The following FAM221B variants were observed in gnomAD, a reference collection of about 807,000 sequenced individuals.
FAM221B encodes family with sequence similarity 221 member B.
In FAM221B, 35 loss-of-function variants were observed where a neutral mutation model predicts 39.8. The ratio of observed to expected loss-of-function variants is 0.88; its 90% confidence interval spans 0.67 to 1.17. The LOEUF is 1.17. Ranked by LOEUF, FAM221B falls within the 50% of genes most tolerant of loss-of-function variation. FAM221B has a pLI of 0.00. For missense variants in FAM221B, 479 were observed against 503.1 expected (o/e 0.95, Z 0.46); for synonymous variants, 158 against 178.1 (o/e 0.89, Z 0.90).
At chr9:35,820,492 G>A (rs1829126644) in intron 3 of FAM221B, among the ~76,000 whole-genome samples, 1 of 152,232 alleles carries the variant, frequency 6.6e-6, no homozygotes, top group African/African-American at 2.4e-5. Flanking sequence ...TTTATTGAAG[G>A]TCCTGAAGAG....
intron 3 of FAM221B, among the ~76,000 whole-genome samples, chr9:35,824,615 T>C (rs1196520850): frequency 6.6e-6 from 1 of 151,946 alleles, no homozygotes; most frequent in Admixed American, 6.6e-5. Context: ...TTAGGGTCTG[T>C]AGGCTCTCTG....
chr9:35,827,245 C>T (rs1435629551), intron 1 of FAM221B, among the ~76,000 whole-genome samples: 2 of 152,172 alleles, frequency 1.3e-5, no homozygotes, highest in African/African-American at 2.4e-5. Flanking sequence ...CTAAATATTC[C>T]CCAAATGCAT....
rs1829459470 is a variant in FAM221B, at chr9:35,828,074, T to C, written c.-1+389A>G. ...TGGGAGGCCAAGGCGGGTGGATCAC[T>C]TGAGGTCAGGAGTTCGAGACCAGCC... is the stretch of plus-strand genomic sequence containing the variant. On this transcript the variant is annotated intron_variant, in intron 1 of 6. Transcript: ENST00000423537. This position sits in a 1 kb window ranked among gnomAD's most constrained non-coding sequence, Gnocchi z 4.5. Among the ~76,000 whole-genome samples, 4 of 151,960 alleles carry C rather than the reference T, an allele frequency of 2.6e-5. No homozygotes were observed. The South Asian group carries it at 8.3e-4, about 32-fold the overall frequency.
intron 1 of FAM221B, chr9:35,826,765 A>C (rs184026269): frequency 6.6e-6 from 1 of 152,462 alleles, no homozygotes; most frequent in Admixed American, 6.5e-5. Flanking sequence ...ACCTTTTTCA[A>C]CCTCTGTACT....
At position 35,825,447 on chromosome 9, in the gene FAM221B, G is replaced by A. The variant is rs1488235490; in HGVS notation, c.599-74C>T. 3 of 1,601,128 alleles carry A rather than the reference G, an allele frequency of 1.9e-6. No individual in the cohort carries two copies. The African/African-American group carries it at 4.0e-5, about 21-fold the overall frequency. On this transcript the variant is annotated intron_variant, in intron 2 of 6. Transcript: ENST00000423537. The surrounding 1 kb of genome is among the most constrained non-coding windows in gnomAD (Gnocchi z 4.2). Reference sequence around the variant, plus strand: ...AACTAAGAGAAGGGGCCATGTCCAAGAGTAACCCAGTCTCCTCCTCCTGGG... The same window carrying A: ...AACTAAGAGAAGGGGCCATGTCCAAAAGTAACCCAGTCTCCTCCTCCTGGG...
rs775707469 is a variant in FAM221B at position 35,825,980 on chromosome 9, G to A, written c.182C>T (p.Ser61Phe). 2.5e-5 allele frequency: 40 copies of A among 1,614,136 alleles called. No homozygotes were observed. The highest frequency in any genetic ancestry group is 5.5e-5 in the South Asian group (5 of 91,076). The change falls in exon 2 of 7, where the codon TCC becomes TTC. Residue 61 changes from serine (S) to phenylalanine (F), a missense_variant. By Grantham distance (155) the Ser-to-Phe change is radical (BLOSUM62 -2). Transcript: ENST00000423537. The surrounding 1 kb of genome is among the most constrained non-coding windows in gnomAD (Gnocchi z 4.2). ...PHTSESPLVP[S>F]PSQIPLEAHS... ...GGCCTCTAAGGGGATCTGGGAAGGGGATGGCACCAAAGGGGATTCAGAGGT... is the reference window on the plus strand; with the variant it reads ...GGCCTCTAAGGGGATCTGGGAAGGGAATGGCACCAAAGGGGATTCAGAGGT...
chr9:35,824,322 CA>C lies in FAM221B; in HGVS notation c.742+907del, dbSNP rs374116072. ...TTTCCATAACACAGGTAGGCATGCTCATGCATAGGATGGCATGTTTTTGCAA... is the reference window on the plus strand; with the variant it reads ...TTTCCATAACACAGGTAGGCATGCTCTGCATAGGATGGCATGTTTTTGCAA... On this transcript the variant is annotated intron_variant, in intron 3 of 6. Coordinates refer to ENST00000423537, the MANE Select transcript of FAM221B (RefSeq NM_001012446.4). Among the ~76,000 whole-genome samples, 637 of 152,286 alleles carry C rather than the reference CA, an allele frequency of 4.2e-3. 8 individuals are homozygous for C. Among genetic ancestry groups the C allele is most frequent in the African/African-American group, 0.015 (605 of 41,548 alleles).
Position 35,825,766 on chromosome 9 carries a change from A to C in FAM221B, c.396T>G (p.Ser132=). Residue 132 remains serine, a synonymous_variant, in exon 2 of 7, where the codon TCT becomes TCG. Coordinates refer to ENST00000423537, the MANE Select transcript of FAM221B (RefSeq NM_001012446.4). This position sits in a 1 kb window ranked among gnomAD's most constrained non-coding sequence, Gnocchi z 4.2. ...TTGTCCATGGGACCTCATTGGAAGAAGACTCAGAGGAGAGGTCTTCCTTCA... is the reference window on the plus strand; with the variant it reads ...TTGTCCATGGGACCTCATTGGAAGACGACTCAGAGGAGAGGTCTTCCTTCA... The part of the protein sequence containing the change: ...DTLKEDLSSE[S]SSNEVPWTRR... 1 of 1,614,222 alleles carries C rather than the reference A, an allele frequency of 6.2e-7. No homozygotes were observed. The highest frequency in any genetic ancestry group is 8.5e-7 in the Non-Finnish European group (1 of 1,180,036).
intron 3 of FAM221B, among the ~76,000 whole-genome samples, chr9:35,824,583 A>G (rs538300592): frequency 6.6e-6 from 1 of 151,954 alleles, no homozygotes; most frequent in Non-Finnish European, 1.5e-5. Context: ...GGGACTGTCC[A>G]GGGTCCTGGG....
At chr9:35,821,433 C>CT (rs1829147778) in intron 3 of FAM221B, 1 of 1,367,346 alleles carries the variant, frequency 7.3e-7, no homozygotes, top group African/African-American at 1.5e-5. Flanking sequence ...GTTTTCTTGT[C>CT]TTACCCATAG....
rs1471355172 is a variant in FAM221B at position 35,828,332 on chromosome 9, A to AACAACAACAACAACAACTACT, written c.-1+130_-1+131insAGTAGTTGTTGTTGTTGTTGT. 2 of 109,006 alleles carry AACAACAACAACAACAACTACT rather than the reference A, an allele frequency of 1.8e-5. No homozygotes were observed. The highest frequency in any genetic ancestry group is 6.9e-5 in the African/African-American group (2 of 29,052). The allele number at this position is 109,006 out of a possible 1,614,324, so 6.8% of individuals were successfully genotyped here. Reference sequence around the variant, plus strand: ...CAACAACAACAACAACAACAACAACAACTACTACTACTACTACTACTACTA... The same window carrying AACAACAACAACAACAACTACT: ...CAACAACAACAACAACAACAACAACAACAACAACAACAACAACTACTACTACTACTACTACTACTACTACTA... On this transcript the variant is annotated intron_variant, in intron 1 of 6. Coordinates refer to ENST00000423537, the MANE Select transcript of FAM221B (RefSeq NM_001012446.4). This position sits in a 1 kb window ranked among gnomAD's most constrained non-coding sequence, Gnocchi z 4.5.
chr9:35,819,231 A>C lies in FAM221B; in HGVS notation c.1017T>G (p.His339Gln). 3 of 1,551,694 alleles carry C rather than the reference A, an allele frequency of 1.9e-6. 1 individual carries two copies. The African/African-American group carries it at 4.1e-5, about 21-fold the overall frequency. ...TGCAGGGATGGGGCCCAGTGGCTGC[A>C]TGTTCTTCGTGGCTGTGTTTGCAGC... Reference protein sequence around the residue: ...QCRCKHSHEEHAATGPHPCRH... With the variant: ...QCRCKHSHEEQAATGPHPCRH... The change falls in exon 5 of 7, where the codon CAT becomes CAG. Residue 339 changes from histidine (H) to glutamine (Q), a missense_variant. Coordinates refer to ENST00000423537, the MANE Select transcript of FAM221B (RefSeq NM_001012446.4).
intron 3 of FAM221B, among the ~76,000 whole-genome samples, chr9:35,820,323 A>C (rs1045213841): frequency 2.6e-5 from 4 of 152,210 alleles, no homozygotes; most frequent in Admixed American, 2.6e-4. Context: ...GATGAACATG[A>C]ATCTCACTGA....
At chr9:35,823,145 T>G (rs146069146) in intron 3 of FAM221B, among the ~76,000 whole-genome samples, 13 of 152,382 alleles carry the variant, frequency 8.5e-5, no homozygotes, top group African/African-American at 3.1e-4. Flanking sequence ...CTTACAGATA[T>G]CAGCTGAGAA....
Position 35,818,408 on chromosome 9 carries a change from C to T in FAM221B, c.*61G>A. 6.8e-7 allele frequency: 1 copy of T among 1,470,494 alleles called. No homozygotes were observed. The highest frequency in any genetic ancestry group is 9.3e-7 in the Non-Finnish European group (1 of 1,073,170). The allele number at this position is 1,470,494 out of a possible 1,614,324, so 91.1% of individuals were successfully genotyped here. ...CTCTCCCTGGGCTGGGATCTACCTG[C>T]CCCATATAGAGCCAAGTCAGGTTCC... On this transcript the variant is annotated 3_prime_UTR_variant, in exon 7 of 7. Transcript: ENST00000423537.
intron 1 of FAM221B, among the ~76,000 whole-genome samples, chr9:35,826,437 A>G (rs1829365732): frequency 6.6e-6 from 1 of 152,192 alleles, no homozygotes; most frequent in African/African-American, 2.4e-5. Context: ...CCATCAGTAG[A>G]TGGTAGCAGA....
Position 35,818,958 on chromosome 9 carries a change from C to T in FAM221B, c.1103G>A (p.Arg368Gln), listed in dbSNP as rs779319795. The T allele has an allele frequency of 9.7e-6, 15 of 1,551,646 alleles. No individual in the cohort carries two copies. The highest frequency in any genetic ancestry group is 5.5e-5 in the African/African-American group (4 of 73,028). Residue 368 changes from arginine to glutamine, a missense_variant, in exon 6 of 7, where the codon CGG (arginine) becomes CAG (glutamine). Coordinates refer to ENST00000423537, the MANE Select transcript of FAM221B (RefSeq NM_001012446.4). ...GAAAGTCTCGTGTTCCTCCCAGCGCCGGTCACAGGCCGCACAGAGGAAATT... is the reference window on the plus strand; with the variant it reads ...GAAAGTCTCGTGTTCCTCCCAGCGCTGGTCACAGGCCGCACAGAGGAAATT... ...ESNFLCAACDRRWEEHETFFD... is the reference protein window; with the variant it reads ...ESNFLCAACDQRWEEHETFFD...
intron 3 of FAM221B, among the ~76,000 whole-genome samples, chr9:35,823,717 T>C (rs563986433): frequency 1.4e-3 from 211 of 152,122 alleles, no homozygotes; most frequent in Admixed American, 2.2e-3. Flanking sequence ...CAGGCTGGAA[T>C]ACACTGGCAC....
intron 6 of FAM221B, 64 bp downstream of exon 6, chr9:35,818,826 C>T (rs1333955530): frequency 1.3e-6 from 2 of 1,544,636 alleles, no homozygotes; most frequent in Non-Finnish European, 1.7e-6. Flanking sequence ...ATGGGAGTGC[C>T]TTCCTGCCTG....
Sources: gnomAD v4.1 joint callset for allele counts (sites outside exome capture counted in the v4.1 genomes callset) on GRCh38, gnomAD v4.1.1 for gene constraint, Gnocchi (gnomAD v3.1) non-coding constraint, MANE v1.5 for transcripts, NCBI Gene and HGNC (gene_info 2026-07-23, HGNC 2026-07-21) for gene names.